The following TDRD7 variants were observed in gnomAD, a reference collection of about 807,000 sequenced individuals.
TDRD7 encodes the protein tudor domain containing 7, also known as tudor domain-containing protein 7.
A neutral mutation model predicts 109.8 loss-of-function variants in TDRD7; 47 were observed. That is an observed-to-expected ratio of 0.43 (90% CI 0.34 to 0.55). The LOEUF is 0.55. TDRD7 is among the 20% of genes least tolerant of loss of function. The pLI is 0.03. For missense variants in TDRD7, 1,164 were observed against 1,319.2 expected (o/e 0.88, Z 1.82); for synonymous variants, 424 against 457.3 (o/e 0.93, Z 0.93).
chr9:97,443,756 C>T (rs534506382), intron 6 of TDRD7, among the ~76,000 whole-genome samples: 142 of 152,254 alleles, frequency 9.3e-4, no homozygotes, highest in Middle Eastern at 3.4e-3. Context: ...GATACCTGTG[C>T]AGGTTTGTTA....
intron 8 of TDRD7, among the ~76,000 whole-genome samples, chr9:97,469,465 C>A (rs987772110): frequency 6.6e-6 from 1 of 152,092 alleles, no homozygotes; most frequent in African/African-American, 2.4e-5. Flanking sequence ...CCCTTAGATT[C>A]TCTGCTGGGA....
At position 97,460,917 on chromosome 9, in the gene TDRD7, G is replaced by A. The variant is rs543620513; in HGVS notation, c.1442+153G>A. Among the ~76,000 whole-genome samples, 400 of 152,230 alleles carry A rather than the reference G, an allele frequency of 2.6e-3. 1 individual carries two copies. Among genetic ancestry groups the A allele is most frequent in the South Asian group, 7.2e-3 (35 of 4,828 alleles). On this transcript the variant is annotated intron_variant, in intron 7 of 16. Transcript: ENST00000355295. ...AGCACTTTGGGAGGCCGAGGTGGGCGGATCACAAGGTCAGGAGATCGAGAC... is the reference window on the plus strand; with the variant it reads ...AGCACTTTGGGAGGCCGAGGTGGGCAGATCACAAGGTCAGGAGATCGAGAC...
Position 97,460,587 on chromosome 9 carries a change from G to C in TDRD7, c.1265G>C (p.Gly422Ala), listed in dbSNP as rs758720057. ...KIQKDAGQAH[G>A]DNDIKAMVEQ... ...CAAAAGGATGCAGGGCAAGCACATG[G>C]TGATAATGATATCAAGGCTATGGTT... Residue 422 changes from glycine (G) to alanine (A), a missense_variant, in exon 7 of 17, where the codon GGT (glycine) becomes GCT (alanine). Around this residue, in one of 5 missense-constraint regions of TDRD7, gnomAD observed 407 missense variants for 394.0 expected, o/e 1.03. Transcript: ENST00000355295. The C allele has an allele frequency of 6.2e-7, 1 of 1,614,198 alleles. No homozygotes were observed. The highest frequency in any genetic ancestry group is 1.1e-5 in the South Asian group (1 of 91,088).
intron 13 of TDRD7, 163 bp downstream of exon 13, chr9:97,478,736 CT>C: frequency 1.1e-6 from 1 of 945,162 alleles, no homozygotes; most frequent in Non-Finnish European, 1.7e-6. Context: ...ACATTGCTGA[CT>C]TAGACAAGAA....
chr9:97,435,149 A>G (rs1172926767), intron 4 of TDRD7, among the ~76,000 whole-genome samples: 1 of 150,912 alleles, frequency 6.6e-6, no homozygotes, highest in African/African-American at 2.5e-5. Context: ...AGAACTACAC[A>G]CACACATCCA....
chr9:97,432,465 A>G (rs1460434594), intron 4 of TDRD7, among the ~76,000 whole-genome samples: 3 of 152,188 alleles, frequency 2.0e-5, no homozygotes, highest in Admixed American at 6.5e-5. Flanking sequence ...TGTAAAGTTC[A>G]TTTAAAAGCT....
At chr9:97,465,545 A>G (rs1212579260) in intron 8 of TDRD7, among the ~76,000 whole-genome samples, 8 of 152,202 alleles carry the variant, frequency 5.3e-5, no homozygotes, top group Non-Finnish European at 7.4e-5. Context: ...GGGCTTGGCT[A>G]CATTCGTGGA....
At chr9:97,421,235 C>G (rs567602688) in intron 1 of TDRD7, among the ~76,000 whole-genome samples, 6 of 152,072 alleles carry the variant, frequency 3.9e-5, no homozygotes, top group Admixed American at 3.9e-4. Flanking sequence ...GCTTTCTCAT[C>G]AGCACTTCGT....
chr9:97,484,993 A>C (rs1829188285), intron 15 of TDRD7, among the ~76,000 whole-genome samples: 1 of 152,198 alleles, frequency 6.6e-6, no homozygotes, highest in South Asian at 2.1e-4. Context: ...GACTTTAGTT[A>C]ATTTGTCCCA....
intron 8 of TDRD7, among the ~76,000 whole-genome samples, chr9:97,467,368 T>C (rs937538445): frequency 6.6e-6 from 1 of 152,240 alleles, no homozygotes; most frequent in Non-Finnish European, 1.5e-5. Flanking sequence ...CCTTCTACTT[T>C]GGGAATTCAG....
Position 97,478,505 on chromosome 9 carries a change from G to A in TDRD7, c.2233G>A (p.Val745Ile), listed in dbSNP as rs1829061757. 1.2e-6 allele frequency: 2 copies of A among 1,613,908 alleles called. No homozygotes were observed. The highest frequency in any genetic ancestry group is 1.7e-6 in the Non-Finnish European group (2 of 1,179,994). ...QFLDSGTVTS[V>I]KVSELREIPP... ...CCTGGACTCTGGCACTGTGACATCTGTAAAAGTGTCAGAGCTCAGGGAAAT... is the reference window on the plus strand; with the variant it reads ...CCTGGACTCTGGCACTGTGACATCTATAAAAGTGTCAGAGCTCAGGGAAAT... The change falls in exon 13 of 17, where the codon GTA becomes ATA. Residue 745 changes from valine (V) to isoleucine (I), a missense_variant. By Grantham distance (29) the Val-to-Ile change is conservative. This residue lies in a region of TDRD7 where 233 missense variants were observed against 218.0 expected (regional missense o/e 1.07). Coordinates refer to ENST00000355295, the MANE Select transcript of TDRD7 (RefSeq NM_014290.3).
chr9:97,417,466 A>G (rs1408555726), intron 1 of TDRD7, among the ~76,000 whole-genome samples: 1 of 152,208 alleles, frequency 6.6e-6, no homozygotes, highest in Admixed American at 6.5e-5. Context: ...GCTCCAGGAA[A>G]GAGATGTTGC....
At chr9:97,438,411 G>A (rs1046092225) in intron 4 of TDRD7, among the ~76,000 whole-genome samples, 4 of 152,044 alleles carry the variant, frequency 2.6e-5, no homozygotes, top group African/African-American at 9.7e-5. Flanking sequence ...CTATAGTCCC[G>A]TACCCACTGC....
intron 12 of TDRD7, among the ~76,000 whole-genome samples, chr9:97,478,204 C>T (rs915078778): frequency 1.3e-5 from 2 of 151,878 alleles, no homozygotes; most frequent in East Asian, 1.9e-4. Context: ...GAGGTTGCAG[C>T]GAGCTGAGAT....
intron 6 of TDRD7, among the ~76,000 whole-genome samples, chr9:97,451,706 G>T (rs1828495659): frequency 6.6e-6 from 1 of 152,254 alleles, no homozygotes; most frequent in South Asian, 2.1e-4. Flanking sequence ...GTGGTCAGAA[G>T]TTCCAGAGCC....
intron 1 of TDRD7, among the ~76,000 whole-genome samples, chr9:97,419,158 A>G (rs1040903604): frequency 2.6e-5 from 4 of 152,218 alleles, no homozygotes; most frequent in African/African-American, 9.6e-5. Flanking sequence ...GCCAAGGCCC[A>G]CTTAGGCATA....
intron 1 of TDRD7, among the ~76,000 whole-genome samples, chr9:97,419,033 T>C (rs1827856673): frequency 6.6e-6 from 1 of 152,172 alleles, no homozygotes; most frequent in South Asian, 2.1e-4. Flanking sequence ...GAGTCAGATA[T>C]ATTGAACAGT....
At chr9:97,445,589 A>T (rs1587870460) in intron 6 of TDRD7, among the ~76,000 whole-genome samples, 1 of 152,278 alleles carries the variant, frequency 6.6e-6, no homozygotes, top group East Asian at 1.9e-4. Flanking sequence ...GTAAAGAGGG[A>T]GGAGAAAAGC....
rs573563942 is a variant in TDRD7 at position 97,455,590 on chromosome 9, T to C, written c.856-4588T>C. Reference sequence around the variant, plus strand: ...GACAAAAACCACATGATTATCTCAATAGATGCAGAAAAGGCCTTTGATAAA... The same window carrying C: ...GACAAAAACCACATGATTATCTCAACAGATGCAGAAAAGGCCTTTGATAAA... On this transcript the variant is annotated intron_variant, in intron 6 of 16. Transcript: ENST00000355295. 1.9e-4 allele frequency among the ~76,000 whole-genome samples: 29 copies of C among 152,298 alleles called. 1 individual carries two copies. The Middle Eastern group carries it at 0.01, about 54-fold the overall frequency.
Sources: allele counts gnomAD v4.1 joint callset (sites outside exome capture counted in the v4.1 genomes callset), GRCh38; gene constraint gnomAD v4.1.1; regional missense constraint gnomAD v4.1.1; transcripts MANE v1.5; gene names NCBI Gene and HGNC (gene_info 2026-07-23, HGNC 2026-07-21).